The following DTHD1 variants were observed in gnomAD, a reference collection of about 807,000 sequenced individuals.
DTHD1 encodes the protein death domain-containing protein 1.
DTHD1 carries 59 observed loss-of-function variants against 74.8 expected under a neutral mutation model. The ratio of observed to expected loss-of-function variants is 0.79; its 90% CI spans 0.64 to 0.98. The LOEUF (loss-of-function observed/expected upper bound fraction) is 0.98. Ranked by LOEUF, DTHD1 falls within the 50% of genes least tolerant of loss-of-function variation. The pLI is 0.00. For synonymous variants in DTHD1, 365 were observed against 371.1 expected, an observed-to-expected ratio of 0.98 and a Z score of 0.19; for missense variants, 1,051 against 1,065.4, an observed-to-expected ratio of 0.99 and a Z score of 0.19.
chr4:36,336,342 C>T (rs537938662), intron 8 of DTHD1, among the ~76,000 whole-genome samples: 6 of 109,580 alleles, frequency 5.5e-5, no homozygotes, highest in South Asian at 2.9e-4. Flanking sequence ...AAAATGTAAT[C>T]GAATGGCACC....
chr4:36,317,746 T>C (rs963473939), intron 8 of DTHD1, among the ~76,000 whole-genome samples: 2 of 152,238 alleles, frequency 1.3e-5, no homozygotes, highest in Non-Finnish European at 2.9e-5. Flanking sequence ...TGAAGTTATA[T>C]TTAGGTGATA....
intron 8 of DTHD1, among the ~76,000 whole-genome samples, chr4:36,338,142 G>T (rs1308131016): frequency 1.3e-5 from 2 of 152,092 alleles, no homozygotes; most frequent in Admixed American, 6.6e-5. Flanking sequence ...CCCTTCATCA[G>T]TAACCCTTGG....
intron 7 of DTHD1, among the ~76,000 whole-genome samples, chr4:36,312,338 A>C (rs1474385401): frequency 1.3e-5 from 2 of 151,948 alleles, no homozygotes; most frequent in East Asian, 1.9e-4. Flanking sequence ...GTATCTCTAC[A>C]TCTATCTCTA....
intron 8 of DTHD1, 103 bp from the exon 9 acceptor site, chr4:36,339,009 G>A (rs1175170066): frequency 1.1e-6 from 1 of 907,634 alleles, no homozygotes; most frequent in Admixed American, 2.3e-5. Context: ...ATGCAATTCA[G>A]TACTTCTTCG....
chr4:36,315,437 G>A (rs900040682), intron 7 of DTHD1: 1 of 152,194 alleles, frequency 6.6e-6, no homozygotes, highest in Non-Finnish European at 1.5e-5. Flanking sequence ...GTTCATTACG[G>A]TAGCCATTAT....
chr4:36,290,796 T>A, intron 3 of DTHD1, 93 bp downstream of exon 3: 1 of 993,164 alleles, frequency 1.0e-6, no homozygotes, highest in Non-Finnish European at 1.4e-6. Context: ...ATATAATTGC[T>A]CCACTAGTAA....
chr4:36,332,459 T>C (rs957786754), intron 8 of DTHD1, among the ~76,000 whole-genome samples: 1 of 152,192 alleles, frequency 6.6e-6, no homozygotes, highest in Non-Finnish European at 1.5e-5. Flanking sequence ...TCTTTGCGGC[T>C]GGGAAGGCAC....
At chr4:36,332,982 C>T (rs1470322220) in intron 8 of DTHD1, among the ~76,000 whole-genome samples, 1 of 152,000 alleles carries the variant, frequency 6.6e-6, no homozygotes, top group Non-Finnish European at 1.5e-5. Context: ...TGAGGTGTTT[C>T]TGGGGTAAGA....
intron 8 of DTHD1, among the ~76,000 whole-genome samples, chr4:36,318,555 C>A (rs540189503): frequency 6.6e-6 from 1 of 151,892 alleles, no homozygotes; most frequent in African/African-American, 2.4e-5. Context: ...GACAGTATAG[C>A]CAGCCAATCT....
chr4:36,292,959 G>A (rs975370480), intron 3 of DTHD1, among the ~76,000 whole-genome samples: 2 of 152,164 alleles, frequency 1.3e-5, no homozygotes, highest in African/African-American at 4.8e-5. Flanking sequence ...TGTATAAAAA[G>A]AAACACAAAT....
chr4:36,343,805 T>C lies in DTHD1; in HGVS notation c.2702T>C (p.Phe901Ser), dbSNP rs1759459338. ...GTGTTCACTGAACCACAGCAGTGTT[T>C]TGATGTAGCCCCTGAGTAAAAGCCT... ...NKVFTEPQQC[F>S]DVAPE Residue 901 changes from phenylalanine (F) to serine (S), a missense_variant, in exon 10 of 10, where the codon TTT (phenylalanine) becomes TCT (serine). Transcript: ENST00000639862. The C allele has an allele frequency of 1.9e-6, 3 of 1,549,026 alleles. No homozygotes were observed. In the East Asian group the frequency reaches 7.3e-5, roughly 38 times the overall value.
Position 36,343,546 on chromosome 4 carries a change from T to C in DTHD1, c.2443T>C (p.Ser815Pro). ...NLLHWLAEEL[S>P]EENAESLSST... ...GCTCCATTGGCTGGCTGAGGAGCTC[T>C]CAGAAGAAAATGCTGAGTCTCTTTC... Residue 815 changes from serine (S) to proline (P), a missense_variant, in exon 10 of 10, where the codon TCA becomes CCA. Transcript: ENST00000639862. 1 of 1,551,588 alleles carries C rather than the reference T, an allele frequency of 6.4e-7. No individual in the cohort carries two copies. Among genetic ancestry groups the C allele is most frequent in the Non-Finnish European group, 8.7e-7 (1 of 1,146,892 alleles).
intron 8 of DTHD1, among the ~76,000 whole-genome samples, chr4:36,338,798 T>C (rs1759153048): frequency 6.6e-6 from 1 of 152,160 alleles, no homozygotes; most frequent in Admixed American, 6.6e-5. Flanking sequence ...GGTAGCTTGC[T>C]CTACGCTAGT....
intron 9 of DTHD1, among the ~76,000 whole-genome samples, chr4:36,342,664 TGA>T (rs1162292136): frequency 4.6e-5 from 7 of 152,120 alleles, no homozygotes; most frequent in African/African-American, 1.2e-4. Context: ...CGTGTGTGTG[TGA>T]GTGTGTGTAT....
chr4:36,337,588 C>A (rs1245315772), intron 8 of DTHD1, among the ~76,000 whole-genome samples: 1 of 152,132 alleles, frequency 6.6e-6, no homozygotes, highest in Non-Finnish European at 1.5e-5. Context: ...ATAGTTGATG[C>A]CTTGGAAATT....
chr4:36,294,901 C>G lies in DTHD1; in HGVS notation c.1505C>G (p.Thr502Ser). 6.4e-7 allele frequency: 1 copy of G among 1,551,984 alleles called. No homozygotes were observed. Among genetic ancestry groups the G allele is most frequent in the Non-Finnish European group, 8.7e-7 (1 of 1,146,840 alleles). Residue 502 changes from threonine to serine, a missense_variant, in exon 5 of 10, where the codon ACT becomes AGT. Transcript: ENST00000639862. ...SPLIHIQHPS[T>S]YPFQKPVTLF... ...CTGATTCACATTCAGCACCCATCAA[C>G]TTATCCTTTTCAGAAGCCAGTCACT...
rs1430047323 is a variant in DTHD1, at chr4:36,343,706, T to C, written c.2603T>C (p.Leu868Pro). Residue 868 changes from leucine to proline, a missense_variant, in exon 10 of 10, where the codon CTC becomes CCC. Coordinates refer to ENST00000639862, the MANE Select transcript of DTHD1 (RefSeq NM_001170700.3). ...CCAACTTTCACCGACAAACTTCGCCTCCTGGCTCGACATCTCCGCAAGATT... is the reference window on the plus strand; with the variant it reads ...CCAACTTTCACCGACAAACTTCGCCCCCTGGCTCGACATCTCCGCAAGATT... ...SLPTFTDKLR[L>P]LARHLRKIGR... The C allele has an allele frequency of 6.4e-6, 10 of 1,551,574 alleles. No homozygotes were observed. Among genetic ancestry groups the C allele is most frequent in the Non-Finnish European group, 8.7e-6 (10 of 1,146,960 alleles).
intron 9 of DTHD1, 29 bp downstream of exon 9, chr4:36,339,198 T>C (rs1478902702): frequency 1.4e-6 from 2 of 1,477,964 alleles, no homozygotes; most frequent in African/African-American, 1.4e-5. Flanking sequence ...GTCATCATTA[T>C]AGTGCTTCCC....
At chr4:36,310,746 C>G (rs570191688) in intron 7 of DTHD1, among the ~76,000 whole-genome samples, 1 of 151,998 alleles carries the variant, frequency 6.6e-6, no homozygotes, top group South Asian at 2.1e-4. Flanking sequence ...ATAAGTGAGA[C>G]CTAAAGTGTC....
Sources: gnomAD v4.1 joint callset for allele counts (sites outside exome capture counted in the v4.1 genomes callset) on GRCh38, gnomAD v4.1.1 for gene constraint, MANE v1.5 for transcripts, NCBI Gene and HGNC (gene_info 2026-07-23, HGNC 2026-07-21) for gene names.